MPPE1: variants seen among roughly 807,000 people sequenced by gnomAD.
MPPE1 encodes the protein metallophosphoesterase 1, also known as metallo phosphoesterase.
Under a neutral mutation model 43.8 loss-of-function variants are expected in MPPE1, and 28 were observed. That is an observed-to-expected ratio of 0.64 (90% confidence interval 0.47 to 0.88). The LOEUF (loss-of-function observed/expected upper bound fraction) is 0.88, where lower values mean the gene tolerates loss of function less well. Ranked by LOEUF, MPPE1 falls within the 40% of genes least tolerant of loss-of-function variation. The pLI, the probability that MPPE1 is intolerant of heterozygous loss-of-function variation, is 0.00. For synonymous variants in MPPE1, 159 were observed against 188.5 expected, an observed-to-expected ratio of 0.84 and a Z score of 1.28; for missense variants, 428 against 492.2, an observed-to-expected ratio of 0.87 and a Z score of 1.23.
rs2036738238 is a variant in MPPE1 at position 11,882,821 on chromosome 18, GCT to G, written c.*1622_*1623del. ...CTGAAGTATAAAGTCAAAAGATACG[GCT>G]CTTTCTCACACTTGCAAGACTTACA... On this transcript the variant is annotated 3_prime_UTR_variant, in exon 11 of 11. Transcript: ENST00000588072. The G allele has an allele frequency of 6.6e-6, 1 of 152,118 alleles. No homozygotes were observed. The highest frequency in any genetic ancestry group is 1.5e-5 in the Non-Finnish European group (1 of 68,032). 9.4% of individuals were successfully genotyped at this position (152,118 alleles called of 1,614,324 possible).
intron 4 of MPPE1, chr18:11,893,207 A>G (rs2038196826): frequency 4.7e-6 from 2 of 427,148 alleles, no homozygotes; most frequent in South Asian, 3.8e-5. Flanking sequence ...CAACTAAATG[A>G]TATCTGGCTA....
chr18:11,889,581 T>C, intron 4 of MPPE1, 91 bp from the exon 5 acceptor site: 1 of 920,286 alleles, frequency 1.1e-6, no homozygotes, highest in Non-Finnish European at 1.6e-6. Context: ...TTGCTTTTTT[T>C]TGAGACGAGT....
chr18:11,893,359 C>A, intron 4 of MPPE1, 109 bp downstream of exon 4: 2 of 717,698 alleles, frequency 2.8e-6, no homozygotes, highest in Admixed American at 2.5e-5. Flanking sequence ...GTAGTAAGTA[C>A]AACTTCCATA....
intron 1 of MPPE1, 150 bp from the exon 2 acceptor site, chr18:11,906,459 C>A (rs1373745296): frequency 6.6e-6 from 1 of 152,132 alleles, no homozygotes; most frequent in Middle Eastern, 3.2e-3. Flanking sequence ...GAATACCTAT[C>A]TTGAATTACA....
Position 11,886,366 on chromosome 18 carries a change from T to TC in MPPE1, c.867+132dup. On this transcript the variant is annotated intron_variant, in intron 9 of 10. Transcript: ENST00000588072. The surrounding 1 kb of genome is among the most constrained non-coding windows in gnomAD (Gnocchi z 4.1). ...TGTGAAAGCCAGGCCTCCACCCCTG[T>TC]CCCCCCAGGTGATAACTAAGTCATG... The TC allele has an allele frequency of 7.9e-7, 1 of 1,262,686 alleles. No individual in the cohort carries two copies. The highest frequency in any genetic ancestry group is 1.1e-6 in the Non-Finnish European group (1 of 886,052). The allele number at this position is 1,262,686 out of a possible 1,614,324, so 78.2% of individuals were successfully genotyped here.
chr18:11,888,884 T>G (rs915473828), intron 5 of MPPE1, 141 bp from the exon 6 acceptor site: 1 of 519,806 alleles, frequency 1.9e-6, no homozygotes, highest in East Asian at 3.5e-5. Flanking sequence ...GGCCCCAGGA[T>G]AGCAAAGCTC....
chr18:11,886,139 T>C lies in MPPE1; in HGVS notation c.868-323A>G, dbSNP rs1254081635. The C allele has an allele frequency of 4.6e-6, 1 of 216,962 alleles. No homozygotes were observed. The highest frequency in any genetic ancestry group is 2.4e-5 in the African/African-American group (1 of 41,980). 13.4% of individuals were successfully genotyped at this position (216,962 alleles called of 1,614,324 possible). ...TATAATGTAATATGTATTATATAAA[T>C]CTATATAAGAAAATGCATTTTAATT... On this transcript the variant is annotated intron_variant, in intron 9 of 10. Coordinates refer to ENST00000588072, the MANE Select transcript of MPPE1 (RefSeq NM_023075.6). The surrounding 1 kb of genome is among the most constrained non-coding windows in gnomAD (Gnocchi z 4.1).
intron 6 of MPPE1, among the ~76,000 whole-genome samples, chr18:11,887,839 T>C (rs2037512973): frequency 6.6e-6 from 1 of 152,196 alleles, no homozygotes; most frequent in African/African-American, 2.4e-5. Flanking sequence ...TGTATCATGC[T>C]TCTATTATGA....
At chr18:11,898,219 T>C (rs2038792679) in intron 2 of MPPE1, among the ~76,000 whole-genome samples, 1 of 151,106 alleles carries the variant, frequency 6.6e-6, no homozygotes, top group Non-Finnish European at 1.5e-5. Context: ...CAGGCACTCG[T>C]CACCACGTCC....
intron 2 of MPPE1, among the ~76,000 whole-genome samples, chr18:11,900,010 G>A (rs528639633): frequency 6.6e-6 from 1 of 152,156 alleles, no homozygotes; most frequent in Admixed American, 6.5e-5. Flanking sequence ...TCAGGAGTTC[G>A]AGACCAGCCT....
intron 6 of MPPE1, among the ~76,000 whole-genome samples, chr18:11,887,553 G>A (rs759316445): frequency 1.3e-5 from 2 of 152,150 alleles, no homozygotes; most frequent in African/African-American, 4.8e-5. Context: ...GTAGGGTGCC[G>A]GTTAGAGCTA....
At chr18:11,895,943 G>A (rs1290388894) in intron 3 of MPPE1, among the ~76,000 whole-genome samples, 1 of 151,984 alleles carries the variant, frequency 6.6e-6, no homozygotes, top group African/African-American at 2.4e-5. Context: ...GGTACAGAAG[G>A]CTACTTGGCG....
At chr18:11,885,956 T>G in intron 9 of MPPE1, 140 bp from the exon 10 acceptor site, 2 of 868,756 alleles carry the variant, frequency 2.3e-6, no homozygotes. Context: ...ACTGGTTTAT[T>G]TTTTTCCTTA....
chr18:11,903,228 TAA>T (rs2039370564), intron 2 of MPPE1, among the ~76,000 whole-genome samples: 1 of 152,012 alleles, frequency 6.6e-6, no homozygotes, highest in Non-Finnish European at 1.5e-5. Context: ...GCTGCCACAT[TAA>T]AGTGTTAATT....
chr18:11,895,824 A>G (rs1785865850), intron 3 of MPPE1, among the ~76,000 whole-genome samples: 1 of 151,974 alleles, frequency 6.6e-6, no homozygotes, highest in African/African-American at 2.4e-5. Context: ...TCCACCTCCT[A>G]AAGTGCTGGG....
chr18:11,889,540 G>A, intron 4 of MPPE1, 50 bp from the exon 5 acceptor site: 1 of 1,407,498 alleles, frequency 7.1e-7, no homozygotes, highest in South Asian at 1.3e-5. Context: ...TCTCTGCCCT[G>A]TGGCTAAAAA....
intron 6 of MPPE1, 110 bp downstream of exon 6, chr18:11,888,559 C>A (rs1372857439): frequency 9.0e-6 from 6 of 663,942 alleles, no homozygotes; most frequent in South Asian, 1.8e-5. Context: ...GATCATAAAC[C>A]AGGCTAAACA....
chr18:11,906,399 A>G (rs1275956929), intron 1 of MPPE1, 90 bp from the exon 2 acceptor site: 1 of 152,198 alleles, frequency 6.6e-6, no homozygotes, highest in Non-Finnish European at 1.5e-5. Context: ...CTTTGAAAGT[A>G]AAAAAGAAGC....
rs923089761 is a variant in MPPE1 at position 11,886,334 on chromosome 18, G to A, written c.867+165C>T. 13 of 893,710 alleles carry A rather than the reference G, an allele frequency of 1.5e-5. No individual in the cohort carries two copies. The highest frequency in any genetic ancestry group is 9.5e-5 in the Admixed American group (4 of 41,982). The allele number at this position is 893,710 out of a possible 1,614,324, so 55.4% of individuals were successfully genotyped here. On this transcript the variant is annotated intron_variant, in intron 9 of 10. Transcript: ENST00000588072. The surrounding 1 kb of genome is among the most constrained non-coding windows in gnomAD (Gnocchi z 4.1). The stretch of plus-strand genomic sequence containing the variant: ...AAAAAAAGCGATTAAATGAAAATCT[G>A]AGATACTGTGAAAGCCAGGCCTCCA...
Sources: allele counts gnomAD v4.1 joint callset (sites outside exome capture counted in the v4.1 genomes callset), GRCh38; gene constraint gnomAD v4.1.1; non-coding constraint Gnocchi (gnomAD v3.1); transcripts MANE v1.5; gene names NCBI Gene and HGNC (gene_info 2026-07-23, HGNC 2026-07-21).